Variants in LHFPL2 observed in about 807,000 individuals in gnomAD.
The protein encoded by LHFPL2 is LHFPL tetraspan subfamily member 2, also known as LHFPL tetraspan subfamily member 2 protein.
Under a neutral mutation model 17.5 loss-of-function variants are expected in LHFPL2, and 7 were observed. That is an observed-to-expected ratio of 0.40 (90% confidence interval 0.23 to 0.75). The LOEUF (loss-of-function observed/expected upper bound fraction) is 0.75, where lower values mean the gene tolerates loss of function less well. LHFPL2 is among the 30% of genes least tolerant of loss of function. LHFPL2 has a pLI of 0.37. For missense variants in LHFPL2, 241 were observed against 294.8 expected, an observed-to-expected ratio of 0.82 and a Z score of 1.34; for synonymous variants, 134 against 116.2, an observed-to-expected ratio of 1.15 and a Z score of -0.99.
intron 1 of LHFPL2, among the ~76,000 whole-genome samples, chr5:78,634,671 A>G (rs1264269820): frequency 2.0e-5 from 3 of 152,212 alleles, no homozygotes; most frequent in East Asian, 1.9e-4. Flanking sequence ...CTCACCTGGA[A>G]TAAGAGTTTC....
At chr5:78,512,224 G>C (rs1170687516) in intron 3 of LHFPL2, among the ~76,000 whole-genome samples, 1 of 152,056 alleles carries the variant, frequency 6.6e-6, no homozygotes, top group South Asian at 2.1e-4. Flanking sequence ...ATTAAGCACA[G>C]GCTACTTAGA....
In LHFPL2 at chr5:78,487,186, C is replaced by CTTAATCTGTGAGAAGATGGTTTCTCA. The variant is rs1482039206; in HGVS notation, c.*1685_*1710dup. 1.3e-5 allele frequency: 2 copies of CTTAATCTGTGAGAAGATGGTTTCTCA among 152,172 alleles called. No homozygotes were observed. The allele number at this position is 152,172 out of a possible 1,614,324, so 9.4% of individuals were successfully genotyped here. A position where few individuals can be genotyped will look rare whatever the true frequency, so the allele number is the denominator to read the frequency against. ...CCTCCCACCCCTTTTGCCCTTAGCC[C>CTTAATCTGTGAGAAGATGGTTTCTCA]TTAATCTGTGAGAAGATGGTTTCTC... On this transcript the variant is annotated 3_prime_UTR_variant, in exon 5 of 5. Transcript: ENST00000380345.
chr5:78,506,524 C>T (rs144090561), intron 4 of LHFPL2, among the ~76,000 whole-genome samples: 1 of 152,288 alleles, frequency 6.6e-6, no homozygotes, highest in African/African-American at 2.4e-5. Flanking sequence ...CTGGGGCTGA[C>T]CAGAGGCTAT....
chr5:78,571,159 A>C (rs1756989724), intron 2 of LHFPL2, among the ~76,000 whole-genome samples: 1 of 152,092 alleles, frequency 6.6e-6, no homozygotes, highest in African/African-American at 2.4e-5. Flanking sequence ...ACCCACCCCC[A>C]GCTCATCTGT....
intron 3 of LHFPL2, among the ~76,000 whole-genome samples, chr5:78,551,136 A>G (rs1358521544): frequency 1.3e-5 from 2 of 152,246 alleles, no homozygotes; most frequent in Admixed American, 6.5e-5. Context: ...CATCTCCTGG[A>G]AGCCTAACTG....
intron 2 of LHFPL2, among the ~76,000 whole-genome samples, chr5:78,622,245 A>G (rs143819964): frequency 5.1e-4 from 78 of 152,228 alleles, no homozygotes; most frequent in Non-Finnish European, 9.4e-4. Context: ...AGCTACCTAA[A>G]CGCTCTGAGC....
chr5:78,585,332 G>A (rs1312273161), intron 2 of LHFPL2, among the ~76,000 whole-genome samples: 1 of 147,908 alleles, frequency 6.8e-6, no homozygotes, highest in Middle Eastern at 3.5e-3. Context: ...TAAGCCCGTT[G>A]GAAAAGCGCA....
chr5:78,489,777 A>G (rs574997557), intron 4 of LHFPL2, among the ~76,000 whole-genome samples: 65 of 152,344 alleles, frequency 4.3e-4, no homozygotes, highest in Middle Eastern at 3.4e-3. Flanking sequence ...TGTTAACTTT[A>G]TAAGTAAAGT....
chr5:78,577,649 A>G (rs1185652016), intron 2 of LHFPL2, among the ~76,000 whole-genome samples: 1 of 152,222 alleles, frequency 6.6e-6, no homozygotes, highest in Non-Finnish European at 1.5e-5. Context: ...ACTCAAGCTC[A>G]CAGCCTTAAG....
At chr5:78,638,047 T>G (rs1422477150) in intron 1 of LHFPL2, among the ~76,000 whole-genome samples, 1 of 152,108 alleles carries the variant, frequency 6.6e-6, no homozygotes, top group Non-Finnish European at 1.5e-5. Context: ...AGCCCAGTTT[T>G]TAGGAAGTTA....
chr5:78,556,509 A>T (rs1274178389), intron 3 of LHFPL2, among the ~76,000 whole-genome samples: 1 of 152,226 alleles, frequency 6.6e-6, no homozygotes, highest in South Asian at 2.1e-4. Context: ...GTGCTCTCTT[A>T]TACTGCCAAT....
chr5:78,559,018 A>C (rs1217175987), intron 3 of LHFPL2, among the ~76,000 whole-genome samples: 1 of 152,034 alleles, frequency 6.6e-6, no homozygotes, highest in Non-Finnish European at 1.5e-5. Context: ...ACCTGCCTCC[A>C]TGAGGCTATG....
chr5:78,580,181 C>G (rs1359290589), intron 2 of LHFPL2, among the ~76,000 whole-genome samples: 2 of 152,154 alleles, frequency 1.3e-5, no homozygotes, highest in South Asian at 4.1e-4. Context: ...CCTTCACCCA[C>G]TTTTTGATGG....
At chr5:78,498,956 G>T (rs981989931) in intron 4 of LHFPL2, among the ~76,000 whole-genome samples, 4 of 152,184 alleles carry the variant, frequency 2.6e-5, no homozygotes, top group Admixed American at 1.3e-4. Flanking sequence ...GTTGATAGTG[G>T]TAAAGAGTGT....
intron 2 of LHFPL2, among the ~76,000 whole-genome samples, chr5:78,578,998 G>A (rs1440396374): frequency 6.6e-6 from 1 of 152,188 alleles, no homozygotes; most frequent in African/African-American, 2.4e-5. Context: ...CAAGAGCTGT[G>A]GTTGAGGTAG....
chr5:78,594,333 C>T (rs1177199592), intron 2 of LHFPL2, among the ~76,000 whole-genome samples: 1 of 152,212 alleles, frequency 6.6e-6, no homozygotes, highest in Non-Finnish European at 1.5e-5. Context: ...AGGATGTCAG[C>T]TAACTGTGTG....
intron 2 of LHFPL2, among the ~76,000 whole-genome samples, chr5:78,606,444 G>A (rs909161366): frequency 1.3e-5 from 2 of 152,148 alleles, no homozygotes; most frequent in Non-Finnish European, 2.9e-5. Context: ...CAAAAAGTCG[G>A]TAATTAAATA....
intron 2 of LHFPL2, among the ~76,000 whole-genome samples, chr5:78,572,905 G>T (rs779718752): frequency 2.0e-5 from 3 of 152,072 alleles, no homozygotes. Context: ...TTCTCATAAG[G>T]AGCATACAAC....
At chr5:78,592,961 T>C (rs918175674) in intron 2 of LHFPL2, among the ~76,000 whole-genome samples, 4 of 152,214 alleles carry the variant, frequency 2.6e-5, no homozygotes, top group African/African-American at 9.6e-5. Context: ...TGTGAAAACA[T>C]TCAATACTAT....
Sources: gnomAD v4.1 joint callset for allele counts (sites outside exome capture counted in the v4.1 genomes callset) on GRCh38, gnomAD v4.1.1 for gene constraint, MANE v1.5 for transcripts, NCBI Gene and HGNC (gene_info 2026-07-23, HGNC 2026-07-21) for gene names.